The following TENT4A variants were observed in gnomAD, a reference collection of about 807,000 sequenced individuals.
The protein encoded by TENT4A is DNA polymerase kappa.
In TENT4A, 7 loss-of-function variants were observed where a neutral mutation model predicts 72.8. That is an observed-to-expected ratio of 0.10 (90% CI 0.05 to 0.18). TENT4A has a LOEUF of 0.18. Among genes scored for constraint, TENT4A ranks in the 10% least tolerant of loss-of-function variants. The probability of loss-of-function intolerance (pLI) is 1.00; values close to 1 mark genes in which losing one functional copy is unlikely to be tolerated. For synonymous variants in TENT4A, 456 were observed against 434.3 expected, an observed-to-expected ratio of 1.05 and a Z score of -0.62; for missense variants, 831 against 1,017.7, an observed-to-expected ratio of 0.82 and a Z score of 2.50.
chr5:6,751,548 C>T (rs143512831), intron 11 of TENT4A: 107 of 211,174 alleles, frequency 5.1e-4, no homozygotes, highest in African/African-American at 2.3e-3. Flanking sequence ...GGCGCCAAGC[C>T]GTGCCAGACA....
chr5:6,752,722 T>C, intron 11 of TENT4A, 151 bp from the exon 12 acceptor site: 1 of 604,720 alleles, frequency 1.7e-6, no homozygotes, highest in South Asian at 2.4e-5. Flanking sequence ...AAGCACAATA[T>C]TGTTAGGTAA....
At chr5:6,721,376 G>C (rs897942752) in intron 1 of TENT4A, among the ~76,000 whole-genome samples, 1 of 152,246 alleles carries the variant, frequency 6.6e-6, no homozygotes, top group African/African-American at 2.4e-5. Flanking sequence ...GGCTAAACTA[G>C]TGTTCTGTTT....
chr5:6,717,246 T>A (rs941136377), intron 1 of TENT4A, among the ~76,000 whole-genome samples: 8 of 152,240 alleles, frequency 5.3e-5, no homozygotes, highest in Non-Finnish European at 1.2e-4. Flanking sequence ...AGGAAATAAC[T>A]GAGTTTTAAA....
chr5:6,753,982 C>T (rs1392405112), intron 12 of TENT4A, among the ~76,000 whole-genome samples: 4 of 152,178 alleles, frequency 2.6e-5, no homozygotes, highest in African/African-American at 9.7e-5. Context: ...GGCGTGTGTT[C>T]CCTCTCAGTC....
At chr5:6,726,523 T>C (rs1740932189) in intron 1 of TENT4A, among the ~76,000 whole-genome samples, 1 of 152,174 alleles carries the variant, frequency 6.6e-6, no homozygotes, top group Admixed American at 6.5e-5. Flanking sequence ...CCGTGCCACC[T>C]TGACCTGGCA....
At chr5:6,731,097 T>C (rs1741189028) in intron 1 of TENT4A, among the ~76,000 whole-genome samples, 1 of 152,208 alleles carries the variant, frequency 6.6e-6, no homozygotes, top group Non-Finnish European at 1.5e-5. Context: ...ATCTACAAAA[T>C]TGCAGGGTTA....
At chr5:6,754,424 C>G (rs1348973435) in intron 12 of TENT4A, among the ~76,000 whole-genome samples, 2 of 152,186 alleles carry the variant, frequency 1.3e-5, no homozygotes, top group Non-Finnish European at 2.9e-5. Flanking sequence ...CTGCCTCGGC[C>G]TCCCAAAGTG....
chr5:6,742,801 A>G (rs1741879347), intron 5 of TENT4A, among the ~76,000 whole-genome samples: 1 of 152,246 alleles, frequency 6.6e-6, no homozygotes, highest in Non-Finnish European at 1.5e-5. Flanking sequence ...TTTCCTGAGT[A>G]ACCATTTTAT....
chr5:6,714,937 C>T (rs1377154023), intron 1 of TENT4A: 1 of 251,260 alleles, frequency 4.0e-6, no homozygotes, highest in Non-Finnish European at 7.5e-6. Context: ...TGGGTAGGAC[C>T]TGCAGGTATT....
At chr5:6,730,026 A>G (rs1741125143) in intron 1 of TENT4A, among the ~76,000 whole-genome samples, 1 of 152,098 alleles carries the variant, frequency 6.6e-6, no homozygotes, top group African/African-American at 2.4e-5. Flanking sequence ...TAATTATTAC[A>G]GGCTTCTGGT....
At chr5:6,743,279 G>A (rs1199876580) in intron 5 of TENT4A, among the ~76,000 whole-genome samples, 2 of 152,086 alleles carry the variant, frequency 1.3e-5, no homozygotes, top group East Asian at 1.9e-4. Context: ...AGCGCAACAC[G>A]AACAGCAGCA....
intron 6 of TENT4A, 96 bp downstream of exon 6, chr5:6,743,936 C>T: frequency 9.2e-7 from 1 of 1,083,448 alleles, no homozygotes; most frequent in Non-Finnish European, 1.3e-6. Flanking sequence ...CCTTTGCTCT[C>T]CTTTTACTGT....
intron 2 of TENT4A, 95 bp downstream of exon 2, chr5:6,737,728 C>A: frequency 7.3e-7 from 1 of 1,375,370 alleles, no homozygotes; most frequent in Non-Finnish European, 9.8e-7. Context: ...CCACACAGAC[C>A]TTTTCTCGTT....
In TENT4A at chr5:6,755,134, C is replaced by G. The variant is rs2126666297; in HGVS notation, c.*189C>G. 2 of 465,690 alleles carry G rather than the reference C, an allele frequency of 4.3e-6. No individual in the cohort carries two copies. The highest frequency in any genetic ancestry group is 2.0e-5 in the African/African-American group (1 of 50,834). 28.8% of individuals were successfully genotyped at this position (465,690 alleles called of 1,614,324 possible). On this transcript the variant is annotated 3_prime_UTR_variant, in exon 13 of 13. Coordinates refer to ENST00000230859, the MANE Select transcript of TENT4A (RefSeq NM_006999.6). The stretch of plus-strand genomic sequence containing the variant: ...TTCAAGAACAGCTCGTTGTGCTCAT[C>G]TGTGAAGCCTTATTAAACGTGGACG...
intron 4 of TENT4A, among the ~76,000 whole-genome samples, chr5:6,741,779 G>A (rs964009490): frequency 4.6e-5 from 7 of 152,290 alleles, no homozygotes; most frequent in South Asian, 4.1e-4. Context: ...TGAACTTTTC[G>A]TTAGACACTG....
rs367555261 is a variant in TENT4A, at chr5:6,749,544, T to C, written c.1587-13T>C. 1.4e-5 allele frequency: 22 copies of C among 1,571,976 alleles called. No individual in the cohort carries two copies. In the Admixed American group the frequency reaches 2.0e-4, roughly 14 times the overall value. On this transcript the variant is annotated splice_polypyrimidine_tract_variant and intron_variant, in intron 8 of 12. Transcript: ENST00000230859. ...GTTGTACTCTGTTGATCTCCAACAA[T>C]GTCCCTTTGCAGTACTTTAGGAAGA...
At chr5:6,754,653 T>C in intron 12 of TENT4A, 98 bp from the exon 13 acceptor site, 1 of 917,422 alleles carries the variant, frequency 1.1e-6, no homozygotes, top group South Asian at 2.2e-5. Flanking sequence ...CTGCTCTCTA[T>C]GTAACATCAC....
intron 10 of TENT4A, chr5:6,750,717 G>T: frequency 1.8e-6 from 1 of 546,878 alleles, no homozygotes; most frequent in South Asian, 2.8e-5. Flanking sequence ...CGACTCATGC[G>T]GCTGTCGAGG....
intron 1 of TENT4A, among the ~76,000 whole-genome samples, chr5:6,730,177 AGT>A (rs1222983886): frequency 6.6e-6 from 1 of 151,994 alleles, no homozygotes; most frequent in Admixed American, 6.5e-5. Context: ...CTAGGGTGAA[AGT>A]GTTGCACCCC....
Sources: allele counts gnomAD v4.1 joint callset (sites outside exome capture counted in the v4.1 genomes callset), GRCh38; gene constraint gnomAD v4.1.1; transcripts MANE v1.5; gene names NCBI Gene and HGNC (gene_info 2026-07-23, HGNC 2026-07-21).